DLEU7: variants seen among roughly 807,000 people sequenced by gnomAD.
DLEU7 encodes deleted in lymphocytic leukemia 7.
Under a neutral mutation model 16.0 loss-of-function variants are expected in DLEU7, and 17 were observed. The ratio of observed to expected loss-of-function variants is 1.06; its 90% CI spans 0.73 to 1.59. DLEU7 has a LOEUF of 1.59. DLEU7 is among the 40% of genes most tolerant of loss of function. The probability of loss-of-function intolerance (pLI) is 0.00; values close to 1 mark genes in which losing one functional copy is unlikely to be tolerated. For missense variants in DLEU7, 308 were observed against 314.9 expected (o/e 0.98, Z 0.17); for synonymous variants, 113 against 139.8 (o/e 0.81, Z 1.35).
At chr13:50,828,119 A>G (rs74078461) in intron 1 of DLEU7, among the ~76,000 whole-genome samples, 1,782 of 152,310 alleles carry the variant, frequency 0.012, 31 homozygotes, top group African/African-American at 0.041. Flanking sequence ...ACACACATAC[A>G]AGCTGATTTT....
At chr13:50,755,758 G>T (rs981702037) in intron 1 of DLEU7, among the ~76,000 whole-genome samples, 1 of 151,872 alleles carries the variant, frequency 6.6e-6, no homozygotes, top group Non-Finnish European at 1.5e-5. Flanking sequence ...TTTTTGAGGG[G>T]GGGGGCACGG....
intron 1 of DLEU7, among the ~76,000 whole-genome samples, chr13:50,775,421 C>T (rs1287788382): frequency 5.3e-5 from 8 of 152,202 alleles, no homozygotes; most frequent in Admixed American, 4.6e-4. Flanking sequence ...TTTTTCAAGT[C>T]TGTCTAACTT....
At chr13:50,836,235 C>T (rs1266628672) in intron 1 of DLEU7, among the ~76,000 whole-genome samples, 1 of 152,184 alleles carries the variant, frequency 6.6e-6, no homozygotes, top group Non-Finnish European at 1.5e-5. Flanking sequence ...CACATTTCCC[C>T]CTCTAGCTCT....
At chr13:50,734,403 TG>T (rs1364769122) in intron 1 of DLEU7, among the ~76,000 whole-genome samples, 1 of 152,174 alleles carries the variant, frequency 6.6e-6, no homozygotes, top group African/African-American at 2.4e-5. Flanking sequence ...TTACTCATAT[TG>T]GCCCTCAAAA....
chr13:50,778,271 C>G (rs1875560403), intron 1 of DLEU7, among the ~76,000 whole-genome samples: 1 of 152,126 alleles, frequency 6.6e-6, no homozygotes, highest in Non-Finnish European at 1.5e-5. Context: ...AACTCATTCA[C>G]TATCACAAAA....
At chr13:50,721,871 G>T (rs570336531) in intron 1 of DLEU7, among the ~76,000 whole-genome samples, 2 of 152,094 alleles carry the variant, frequency 1.3e-5, no homozygotes, top group Admixed American at 1.3e-4. Flanking sequence ...CACTAGAAAA[G>T]AAATGCAAAT....
chr13:50,833,198 G>A (rs1247879285), intron 1 of DLEU7, among the ~76,000 whole-genome samples: 2 of 152,094 alleles, frequency 1.3e-5, no homozygotes, highest in Middle Eastern at 3.2e-3. Context: ...TTCTGGCCAG[G>A]GCAATCACGC....
intron 1 of DLEU7, among the ~76,000 whole-genome samples, chr13:50,813,752 A>G (rs759654321): frequency 9.2e-5 from 14 of 152,238 alleles, no homozygotes; most frequent in Admixed American, 2.0e-4. Flanking sequence ...GGGATTACCA[A>G]TCTCACCTGA....
intron 1 of DLEU7, among the ~76,000 whole-genome samples, chr13:50,756,592 T>A (rs1566240399): frequency 2.6e-5 from 4 of 152,164 alleles, no homozygotes; most frequent in Admixed American, 2.0e-4. Context: ...TGAGGCTGTT[T>A]CCAGGCAGTG....
intron 1 of DLEU7, among the ~76,000 whole-genome samples, chr13:50,783,346 A>G (rs542846483): frequency 4.7e-4 from 72 of 152,314 alleles, no homozygotes; most frequent in African/African-American, 1.7e-3. Flanking sequence ...TTCCTGGCCT[A>G]TCATTCAAAG....
chr13:50,722,109 G>A (rs563433813), intron 1 of DLEU7, among the ~76,000 whole-genome samples: 60 of 152,286 alleles, frequency 3.9e-4, no homozygotes, highest in African/African-American at 1.4e-3. Flanking sequence ...TCTATATAAA[G>A]AAGCCCTTTG....
Position 50,779,147 on chromosome 13 carries a change from C to T in DLEU7, c.459+64041G>A, listed in dbSNP as rs115568189. On this transcript the variant is annotated intron_variant, in intron 1 of 1. Transcript: ENST00000400393. The stretch of plus-strand genomic sequence containing the variant: ...AAAACACAGCACGTTGTACAGCCAG[C>T]GTGACAGATATCGCCAAGCACAGGA... Among the ~76,000 whole-genome samples the T allele has an allele frequency of 1.9e-3, 285 of 152,264 alleles. 2 individuals are homozygous for T. Among genetic ancestry groups the T allele is most frequent in the African/African-American group, 6.6e-3 (273 of 41,556 alleles).
chr13:50,788,045 A>G (rs923931352), intron 1 of DLEU7, among the ~76,000 whole-genome samples: 5 of 152,076 alleles, frequency 3.3e-5, no homozygotes, highest in Non-Finnish European at 1.5e-5. Context: ...CCCCAGCACC[A>G]TAGGATTCTC....
intron 1 of DLEU7, among the ~76,000 whole-genome samples, chr13:50,812,057 G>A (rs534111226): frequency 3.0e-4 from 34 of 112,174 alleles, no homozygotes; most frequent in Admixed American, 2.5e-3. Context: ...GTGACAGAGC[G>A]AGATTCCATC....
chr13:50,753,687 C>G (rs935222434), intron 1 of DLEU7, among the ~76,000 whole-genome samples: 6 of 152,224 alleles, frequency 3.9e-5, no homozygotes, highest in Admixed American at 3.3e-4. Flanking sequence ...TCAGGCTTCT[C>G]CCTCCACACC....
intron 1 of DLEU7, among the ~76,000 whole-genome samples, chr13:50,775,721 C>T (rs1455757479): frequency 1.3e-5 from 2 of 152,226 alleles, no homozygotes; most frequent in African/African-American, 2.4e-5. Flanking sequence ...GAATTTCACT[C>T]AGTAAGGGTC....
At chr13:50,736,457 G>A (rs1296303083) in intron 1 of DLEU7, among the ~76,000 whole-genome samples, 2 of 152,000 alleles carry the variant, frequency 1.3e-5, no homozygotes, top group South Asian at 2.1e-4. Context: ...CCCATGACAT[G>A]AGTTTACCTA....
At chr13:50,776,910 C>CTTGT (rs978641564) in intron 1 of DLEU7, among the ~76,000 whole-genome samples, 8 of 151,984 alleles carry the variant, frequency 5.3e-5, no homozygotes, top group Admixed American at 1.3e-4. Context: ...ATAGGTTTTG[C>CTTGT]TTGTTTGTTT....
chr13:50,729,796 A>ATGATTAGTGAT (rs1873867691), intron 1 of DLEU7, among the ~76,000 whole-genome samples: 1 of 152,102 alleles, frequency 6.6e-6, no homozygotes, highest in African/African-American at 2.4e-5. Context: ...AGTGATGTTG[A>ATGATTAGTGAT]GCATTTTTTC....
Sources: gnomAD v4.1 joint callset for allele counts (sites outside exome capture counted in the v4.1 genomes callset) on GRCh38, gnomAD v4.1.1 for gene constraint, MANE v1.5 for transcripts, NCBI Gene and HGNC (gene_info 2026-07-23, HGNC 2026-07-21) for gene names.